The following TFG variants were observed in gnomAD, a reference collection of about 807,000 sequenced individuals.
TFG encodes the protein trafficking from ER to golgi regulator.
In TFG, 22 loss-of-function variants were observed where a neutral mutation model predicts 51.4. The ratio of observed to expected loss-of-function variants is 0.43; its 90% confidence interval spans 0.31 to 0.61. The LOEUF (loss-of-function observed/expected upper bound fraction) is 0.61, where lower values mean the gene tolerates loss of function less well. Ranked by LOEUF, TFG falls within the 20% of genes least tolerant of loss-of-function variation. The pLI is 0.12. For synonymous variants in TFG, 187 were observed against 165.6 expected, an observed-to-expected ratio of 1.13 and a Z score of -0.99; for missense variants, 419 against 487.7, an observed-to-expected ratio of 0.86 and a Z score of 1.33.
At chr3:100,714,049 T>C (rs558474966) in intron 2 of TFG, among the ~76,000 whole-genome samples, 180 bp downstream of exon 2, 11 of 151,594 alleles carry the variant, frequency 7.3e-5, no homozygotes, top group Non-Finnish European at 1.3e-4. Flanking sequence ...AGGCATGAAC[T>C]GCCATGCCTG....
At chr3:100,728,963 T>C (rs893928346) in intron 4 of TFG, 105 bp downstream of exon 4, 34 of 986,032 alleles carry the variant, frequency 3.4e-5, no homozygotes, top group Non-Finnish European at 4.9e-5. Flanking sequence ...CCAATGTCAC[T>C]CTTGTTTCTT....
rs528921282 is a variant in TFG, at chr3:100,738,656, G to A, written c.721+1940G>A. 4.6e-5 allele frequency among the ~76,000 whole-genome samples: 7 copies of A among 152,282 alleles called. No individual in the cohort carries two copies. The East Asian group carries it at 1.3e-3, about 29-fold the overall frequency. ...TGTTTATATGCATTTAATTTTTAGAGTAGTATTGTATGCCTTGCTGCAATT... is the reference window on the plus strand; with the variant it reads ...TGTTTATATGCATTTAATTTTTAGAATAGTATTGTATGCCTTGCTGCAATT... On this transcript the variant is annotated intron_variant, in intron 6 of 7. Transcript: ENST00000240851.
chr3:100,746,649 C>T (rs2095135724), intron 7 of TFG, among the ~76,000 whole-genome samples: 1 of 152,002 alleles, frequency 6.6e-6, no homozygotes, highest in African/African-American at 2.4e-5. Flanking sequence ...AGCATTGCCA[C>T]ATTATGTTCA....
chr3:100,715,817 C>T lies in TFG; in HGVS notation c.184+1948C>T, dbSNP rs370579431. ...CTCATCATAACCTTTAACTCCTGTC[C>T]CCAGGCAATACTGCCAACCCGGCCT... is the stretch of plus-strand genomic sequence containing the variant. On this transcript the variant is annotated intron_variant, in intron 2 of 7. Coordinates refer to ENST00000240851, the MANE Select transcript of TFG (RefSeq NM_006070.6). 1.3e-4 allele frequency among the ~76,000 whole-genome samples: 20 copies of T among 152,032 alleles called. 1 individual carries two copies. In the South Asian group the frequency reaches 4.2e-3, roughly 32 times the overall value.
chr3:100,713,360 G>T (rs1329335937), intron 1 of TFG, among the ~76,000 whole-genome samples: 1 of 152,112 alleles, frequency 6.6e-6, no homozygotes, highest in Non-Finnish European at 1.5e-5. Flanking sequence ...GGTTTTAGGT[G>T]GAAGATCAGG....
intron 6 of TFG, among the ~76,000 whole-genome samples, chr3:100,738,401 A>G (rs759739396): frequency 2.6e-5 from 4 of 152,264 alleles, no homozygotes; most frequent in Non-Finnish European, 5.9e-5. Context: ...ATACTGTGAT[A>G]CAATGACAGT....
chr3:100,713,912 A>T lies in TFG; in HGVS notation c.184+43A>T, dbSNP rs766495385. On this transcript the variant is annotated intron_variant, in intron 2 of 7. Coordinates refer to ENST00000240851, the MANE Select transcript of TFG (RefSeq NM_006070.6). ...GCTATTTTTTAAAGTCTTTTTAAAA[A>T]AAAAAAAAAAAAGACAGAGCCTCTG... 2.9e-5 allele frequency: 36 copies of T among 1,262,734 alleles called. No homozygotes were observed. In the Middle Eastern group the frequency reaches 8.6e-4, roughly 30 times the overall value. 78.2% of individuals were successfully genotyped at this position (1,262,734 alleles called of 1,614,324 possible). A position where few individuals can be genotyped will look rare whatever the true frequency, so the allele number is the denominator to read the frequency against.
At chr3:100,739,064 GATAA>G (rs760933284) in intron 6 of TFG, among the ~76,000 whole-genome samples, 7 of 152,130 alleles carry the variant, frequency 4.6e-5, no homozygotes, top group Non-Finnish European at 7.4e-5. Context: ...CACAGCTTTA[GATAA>G]ATATAGTCGT....
intron 1 of TFG, among the ~76,000 whole-genome samples, chr3:100,711,897 AGCATTGCAGAAG>A (rs896328610): frequency 6.6e-6 from 1 of 152,234 alleles, no homozygotes; most frequent in East Asian, 1.9e-4. Context: ...GAATACCGAA[AGCATTGCAGAAG>A]GCATTGCAGA....
intron 6 of TFG, chr3:100,744,236 A>G (rs115506116): frequency 1.3e-5 from 2 of 152,322 alleles, no homozygotes; most frequent in African/African-American, 4.8e-5. Context: ...AAATAGTGCA[A>G]TGAAGAACCA....
chr3:100,719,951 ACCT>A, intron 2 of TFG, 21 bp from the exon 3 acceptor site: 1 of 1,407,852 alleles, frequency 7.1e-7, no homozygotes, highest in African/African-American at 1.5e-5. Flanking sequence ...TTAAAAAACA[ACCT>A]TTTTTTTTTT....
chr3:100,743,912 AAGATTTAAATACCAGATAGAT>A (rs2095128289), intron 6 of TFG: 1 of 152,144 alleles, frequency 6.6e-6, no homozygotes, highest in Non-Finnish European at 1.5e-5. Flanking sequence ...GATTATTTTA[AAGATTTAAATACCAGATAGAT>A]ATTAAAATGC....
rs970555700 is a variant in TFG, at chr3:100,729,008, C to T, written c.415+150C>T. The T allele has an allele frequency of 2.7e-5, 18 of 657,200 alleles. No individual in the cohort carries two copies. In the African/African-American group the frequency reaches 3.2e-4, roughly 12 times the overall value. 40.7% of individuals were successfully genotyped at this position (657,200 alleles called of 1,614,324 possible). A position where few individuals can be genotyped will look rare whatever the true frequency, so the allele number is the denominator to read the frequency against. The stretch of plus-strand genomic sequence containing the variant: ...CTCTACTAGTATTTATGTCTGTGTT[C>T]CTAAACTTTGCTGTTCATCAGAATT... On this transcript the variant is annotated intron_variant, in intron 4 of 7. Coordinates refer to ENST00000240851, the MANE Select transcript of TFG (RefSeq NM_006070.6).
chr3:100,714,581 C>T (rs925424478), intron 2 of TFG, among the ~76,000 whole-genome samples: 4 of 151,126 alleles, frequency 2.6e-5, no homozygotes, highest in African/African-American at 9.7e-5. Flanking sequence ...TTTTTACAAG[C>T]ATTATTTTCT....
At chr3:100,741,401 AAG>A (rs2095120843) in intron 6 of TFG, among the ~76,000 whole-genome samples, 1 of 152,190 alleles carries the variant, frequency 6.6e-6, no homozygotes, top group South Asian at 2.1e-4. Flanking sequence ...ATGTTTAAAA[AAG>A]TAAAAATTTA....
At chr3:100,735,664 A>T (rs1333061481) in intron 5 of TFG, among the ~76,000 whole-genome samples, 1 of 152,256 alleles carries the variant, frequency 6.6e-6, no homozygotes, top group Non-Finnish European at 1.5e-5. Flanking sequence ...TAAAGGAATA[A>T]GACATATTTA....
chr3:100,748,605 T>G lies in TFG; in HGVS notation c.*74T>G. The G allele has an allele frequency of 7.1e-7, 1 of 1,409,222 alleles. No homozygotes were observed. Among genetic ancestry groups the G allele is most frequent in the Non-Finnish European group, 9.4e-7 (1 of 1,059,612 alleles). The allele number at this position is 1,409,222 out of a possible 1,614,324, so 87.3% of individuals were successfully genotyped here. ...AAAAGACTCCAGTACTATTTTAATT[T>G]GTATTGAAGAAGTTCAGAAATTTAA... On this transcript the variant is annotated 3_prime_UTR_variant, in exon 8 of 8. Transcript: ENST00000240851.
intron 7 of TFG, among the ~76,000 whole-genome samples, chr3:100,746,688 T>C (rs1453967944): frequency 6.6e-6 from 1 of 152,138 alleles, no homozygotes; most frequent in Non-Finnish European, 1.5e-5. Flanking sequence ...AATGAAATCT[T>C]CAGCCTGTAG....
rs758524457 is a variant in TFG, at chr3:100,732,641, A to G, written c.549A>G (p.Ser183=). 6.2e-7 allele frequency: 1 copy of G among 1,611,850 alleles called. No homozygotes were observed. The highest frequency in any genetic ancestry group is 8.5e-7 in the Non-Finnish European group (1 of 1,178,984). The change falls in exon 5 of 8, where the codon TCA becomes TCG. Residue 183 remains serine, a synonymous_variant. Transcript: ENST00000240851. The part of the protein sequence containing the change: ...NQDEINKNVM[S]AFGLTDDQVS... ...ATGAAATCAATAAAAATGTTATGTC[A>G]GCGTTTGGCTTAACAGATGATCAGG...
Sources: gnomAD v4.1 joint callset for allele counts (sites outside exome capture counted in the v4.1 genomes callset) on GRCh38, gnomAD v4.1.1 for gene constraint, MANE v1.5 for transcripts, NCBI Gene and HGNC (gene_info 2026-07-23, HGNC 2026-07-21) for gene names.